NRG1: variants seen among roughly 807,000 people sequenced by gnomAD.
The protein encoded by NRG1 is neuregulin 1.
Under a neutral mutation model 63.8 loss-of-function variants are expected in NRG1, and 18 were observed. The ratio of observed to expected loss-of-function variants is 0.28; its 90% CI spans 0.19 to 0.42. NRG1 has a LOEUF of 0.42. Among genes scored for constraint, NRG1 ranks in the 10% least tolerant of loss-of-function variants. The probability of loss-of-function intolerance (pLI) is 1.00; values close to 1 mark genes in which losing one functional copy is unlikely to be tolerated. For synonymous variants in NRG1, 302 were observed against 301.3 expected, an observed-to-expected ratio of 1.00 and a Z score of -0.02; for missense variants, 762 against 814.7, an observed-to-expected ratio of 0.94 and a Z score of 0.79.
At chr8:32,443,070 G>A (rs1456148564) in intron 1 of NRG1, among the ~76,000 whole-genome samples, 1 of 152,020 alleles carries the variant, frequency 6.6e-6, no homozygotes, top group Non-Finnish European at 1.5e-5. Context: ...AAGTAGCTAG[G>A]ACTACAAGTG....
At chr8:32,306,106 T>C (rs376675710) in intron 1 of NRG1, among the ~76,000 whole-genome samples, 1 of 152,270 alleles carries the variant, frequency 6.6e-6, no homozygotes, top group South Asian at 2.1e-4. Flanking sequence ...CCTCAGCAAG[T>C]TTAAAAACAG....
chr8:31,743,338 T>C (rs1018932436), intron 1 of NRG1, among the ~76,000 whole-genome samples: 1 of 151,970 alleles, frequency 6.6e-6, no homozygotes, highest in East Asian at 1.9e-4. Context: ...CCCATGCCTA[T>C]TGTATGACTG....
intron 1 of NRG1, among the ~76,000 whole-genome samples, chr8:32,300,064 A>G (rs1855408409): frequency 6.6e-6 from 1 of 152,150 alleles, no homozygotes; most frequent in Non-Finnish European, 1.5e-5. Context: ...AACCTACCAC[A>G]GGCAAATACC....
rs537636687 is a variant in NRG1, at chr8:32,051,842, G to T, written c.37+412411G>T. Among the ~76,000 whole-genome samples, 5 of 152,260 alleles carry T rather than the reference G, an allele frequency of 3.3e-5. No individual in the cohort carries two copies. The South Asian group carries it at 1.0e-3, about 32-fold the overall frequency. On this transcript the variant is annotated intron_variant, in intron 1 of 10. Coordinates refer to the NRG1 transcript ENST00000519301. ...GGTTTGTGACCTACTACATAGTTTT[G>T]ACTTGATCCTTACAACATAGTATTT...
At chr8:31,730,152 G>A (rs1190439139) in intron 1 of NRG1, among the ~76,000 whole-genome samples, 1 of 152,124 alleles carries the variant, frequency 6.6e-6, no homozygotes, top group East Asian at 1.9e-4. Flanking sequence ...AAATTGGTTA[G>A]ATTCAGGAAT....
At chr8:31,721,137 G>A (rs561086186) in intron 1 of NRG1, among the ~76,000 whole-genome samples, 1 of 152,204 alleles carries the variant, frequency 6.6e-6, no homozygotes, top group South Asian at 2.1e-4. Context: ...TGGTGTAAGT[G>A]GGGCTTCTGT....
chr8:31,972,437 G>A (rs1186365376), intron 1 of NRG1, among the ~76,000 whole-genome samples: 1 of 152,046 alleles, frequency 6.6e-6, no homozygotes, highest in Non-Finnish European at 1.5e-5. Context: ...TTACTAACTG[G>A]AACTGTATCT....
At chr8:32,537,541 T>C (rs1219652099) in intron 1 of NRG1, among the ~76,000 whole-genome samples, 2 of 152,214 alleles carry the variant, frequency 1.3e-5, no homozygotes, top group East Asian at 3.8e-4. Flanking sequence ...CTTCTTTTAA[T>C]ACGGCTGGCC....
chr8:32,176,079 A>G (rs1215866050), intron 1 of NRG1, among the ~76,000 whole-genome samples: 2 of 152,200 alleles, frequency 1.3e-5, no homozygotes, highest in African/African-American at 4.8e-5. Flanking sequence ...CTGACTTCAA[A>G]CTACAAGGCT....
At chr8:32,391,981 CTT>C (rs754055144) in intron 1 of NRG1, among the ~76,000 whole-genome samples, 2 of 152,272 alleles carry the variant, frequency 1.3e-5, no homozygotes, top group Admixed American at 6.5e-5. Flanking sequence ...AATATTAAAA[CTT>C]TTGAAAAATG....
At chr8:32,558,536 T>C (rs1430044251) in intron 1 of NRG1, among the ~76,000 whole-genome samples, 1 of 152,128 alleles carries the variant, frequency 6.6e-6, no homozygotes, top group African/African-American at 2.4e-5. Context: ...GTGGCAACCA[T>C]CTAACAGGGA....
chr8:31,806,911 C>T (rs1401924648), intron 1 of NRG1, among the ~76,000 whole-genome samples: 3 of 152,062 alleles, frequency 2.0e-5, no homozygotes, highest in African/African-American at 4.8e-5. Context: ...ATTTTTGGAA[C>T]AACTTAGTAA....
At chr8:32,032,982 A>G (rs1818491955) in intron 1 of NRG1, among the ~76,000 whole-genome samples, 2 of 152,020 alleles carry the variant, frequency 1.3e-5, no homozygotes, top group Admixed American at 6.6e-5. Context: ...AATTTTCTGC[A>G]TATGGCTAGC....
chr8:32,059,304 A>G (rs968666075), intron 1 of NRG1, among the ~76,000 whole-genome samples: 15 of 151,738 alleles, frequency 9.9e-5, no homozygotes, highest in African/African-American at 3.4e-4. Context: ...TCCCCCTTCT[A>G]GAGTCGTCTT....
intron 1 of NRG1, among the ~76,000 whole-genome samples, chr8:32,221,778 A>G (rs1845838367): frequency 1.4e-5 from 2 of 145,596 alleles, no homozygotes; most frequent in Non-Finnish European, 2.9e-5. Flanking sequence ...TTGTGTTGGC[A>G]TTGTCAGAAA....
At chr8:32,715,157 A>G (rs903519666) in intron 5 of NRG1, among the ~76,000 whole-genome samples, 3 of 151,936 alleles carry the variant, frequency 2.0e-5, no homozygotes, top group African/African-American at 7.3e-5. Flanking sequence ...GGGCCTCACC[A>G]TGTTGCCCAG....
At chr8:32,216,272 C>G (rs1397525616) in intron 1 of NRG1, among the ~76,000 whole-genome samples, 1 of 150,140 alleles carries the variant, frequency 6.7e-6, no homozygotes, top group East Asian at 1.9e-4. Flanking sequence ...AAGACAAACT[C>G]TTTTAGTTGG....
chr8:32,737,633 T>C, intron 6 of NRG1, among the ~76,000 whole-genome samples: 1 of 151,642 alleles, frequency 6.6e-6, no homozygotes, highest in Non-Finnish European at 1.5e-5. Flanking sequence ...ATGTTCAAGA[T>C]TGACCTGTGC....
chr8:32,646,631 A>G (rs1853606240), intron 5 of NRG1: 1 of 949,892 alleles, frequency 1.1e-6, no homozygotes, highest in African/African-American at 1.8e-5. Context: ...GGTGAAGGAA[A>G]GAGACTGAAA....
Sources: gnomAD v4.1 joint callset for allele counts (sites outside exome capture counted in the v4.1 genomes callset) on GRCh38, gnomAD v4.1.1 for gene constraint, MANE v1.5 for transcripts, NCBI Gene and HGNC (gene_info 2026-07-23, HGNC 2026-07-21) for gene names.